DACH1: variants seen among roughly 807,000 people sequenced by gnomAD.
DACH1 encodes the protein dachshund family transcription factor 1, also known as dachshund homolog 1.
Under a neutral mutation model 54.2 loss-of-function variants are expected in DACH1, and 12 were observed. That is an observed-to-expected ratio of 0.22 (90% CI 0.14 to 0.36). DACH1 has a LOEUF of 0.36. DACH1 is among the 10% of genes least tolerant of loss of function. The probability of loss-of-function intolerance (pLI) is 1.00; values close to 1 mark genes in which losing one functional copy is unlikely to be tolerated. For missense variants in DACH1, 805 were observed against 929.8 expected (o/e 0.87, Z 1.75); for synonymous variants, 386 against 366.2 (o/e 1.05, Z -0.62).
At chr13:71,605,180 G>T (rs1312170444) in intron 3 of DACH1, among the ~76,000 whole-genome samples, 2 of 151,942 alleles carry the variant, frequency 1.3e-5, no homozygotes, top group African/African-American at 4.8e-5. Context: ...GACTATGCCT[G>T]TATACTAAAA....
chr13:71,450,646 G>A (rs146645421), intron 10 of DACH1, among the ~76,000 whole-genome samples: 38 of 152,174 alleles, frequency 2.5e-4, no homozygotes, highest in African/African-American at 8.9e-4. Context: ...GTCCTAGACA[G>A]AACAAAAGCT....
intron 10 of DACH1, among the ~76,000 whole-genome samples, chr13:71,448,830 T>TA (rs1285167839): frequency 2.0e-5 from 3 of 151,480 alleles, no homozygotes; most frequent in Non-Finnish European, 4.4e-5. Flanking sequence ...TGTGGTTTTT[T>TA]TTTTTTTTCA....
At chr13:71,779,802 C>T (rs754948830) in intron 1 of DACH1, among the ~76,000 whole-genome samples, 2 of 152,082 alleles carry the variant, frequency 1.3e-5, no homozygotes, top group African/African-American at 2.4e-5. Flanking sequence ...GCCACCTCTA[C>T]TCAACCGCAT....
chr13:71,815,912 C>T (rs1427391199), intron 1 of DACH1, among the ~76,000 whole-genome samples: 4 of 151,822 alleles, frequency 2.6e-5, no homozygotes, highest in East Asian at 1.9e-4. Flanking sequence ...GGTGAAACCC[C>T]GTCTCTACTA....
chr13:71,493,289 G>C (rs117280588), intron 6 of DACH1, among the ~76,000 whole-genome samples: 47 of 152,164 alleles, frequency 3.1e-4, no homozygotes, highest in Middle Eastern at 3.4e-3. Context: ...CTGTGGAGAC[G>C]TACATGCAAC....
At chr13:71,656,951 C>T (rs1256799061) in intron 2 of DACH1, among the ~76,000 whole-genome samples, 25 of 34,664 alleles carry the variant, frequency 7.2e-4, no homozygotes, top group South Asian at 4.7e-3. Context: ...TATATATATG[C>T]GCATATAAAT....
At position 71,747,139 on chromosome 13, in the gene DACH1, C is replaced by T. The variant is rs565609096; in HGVS notation, c.849-65229G>A. 1.8e-4 allele frequency among the ~76,000 whole-genome samples: 28 copies of T among 151,948 alleles called. 1 individual carries two copies. The highest frequency in any genetic ancestry group is 3.4e-3 in the Middle Eastern group (1 of 292). ...ATAATATCTATTTTCTGCAAAGGAA[C>T]GGTAATTTTTATAGGAAAAATTACC... On this transcript the variant is annotated intron_variant, in intron 1 of 10. Transcript: ENST00000613252.
intron 6 of DACH1, among the ~76,000 whole-genome samples, chr13:71,540,707 G>C (rs1004921692): frequency 8.6e-5 from 13 of 151,942 alleles, no homozygotes; most frequent in Non-Finnish European, 1.0e-4. Context: ...ATAGAGCTCT[G>C]AACATTACAG....
chr13:71,777,249 T>C (rs1334528855), intron 1 of DACH1, among the ~76,000 whole-genome samples: 3 of 149,716 alleles, frequency 2.0e-5, no homozygotes, highest in Non-Finnish European at 4.4e-5. Flanking sequence ...TTCTTGTCCG[T>C]ACGGTATAGC....
At chr13:71,861,796 T>C (rs1430191841) in intron 1 of DACH1, among the ~76,000 whole-genome samples, 1 of 150,802 alleles carries the variant, frequency 6.6e-6, no homozygotes, top group East Asian at 2.0e-4. Flanking sequence ...ATATTTATGT[T>C]AAACTTTCTA....
chr13:71,535,456 T>C (rs553447513), intron 6 of DACH1, among the ~76,000 whole-genome samples: 2 of 152,086 alleles, frequency 1.3e-5, no homozygotes, highest in South Asian at 4.1e-4. Context: ...TTATCACAAA[T>C]TTGGTCATGA....
At chr13:71,855,566 A>G (rs1451909301) in intron 1 of DACH1, among the ~76,000 whole-genome samples, 1 of 152,050 alleles carries the variant, frequency 6.6e-6, no homozygotes, top group Non-Finnish European at 1.5e-5. Context: ...TTTATTTGGA[A>G]CAAATTGTTA....
At position 71,650,982 on chromosome 13, in the gene DACH1, A is replaced by T. The variant is rs186774559; in HGVS notation, c.965-20265T>A. On this transcript the variant is annotated intron_variant, in intron 2 of 10. Transcript: ENST00000613252. Reference sequence around the variant, plus strand: ...AAAATTTGCCATCAAATACTTAAGCATCTTATTACTTTTTATTGTTAGTAA... The same window carrying T: ...AAAATTTGCCATCAAATACTTAAGCTTCTTATTACTTTTTATTGTTAGTAA... Among the ~76,000 whole-genome samples the T allele has an allele frequency of 4.0e-3, 611 of 152,306 alleles. 8 individuals carry two copies. Among genetic ancestry groups the T allele is most frequent in the Non-Finnish European group, 3.4e-3 (231 of 68,016 alleles).
intron 7 of DACH1, among the ~76,000 whole-genome samples, chr13:71,480,051 T>C (rs1336808001): frequency 6.6e-6 from 1 of 152,222 alleles, no homozygotes; most frequent in Non-Finnish European, 1.5e-5. Flanking sequence ...TTTACTGATT[T>C]ATGTTATGTC....
intron 2 of DACH1, among the ~76,000 whole-genome samples, chr13:71,637,546 T>C (rs1246846305): frequency 3.3e-5 from 5 of 152,284 alleles, no homozygotes; most frequent in African/African-American, 1.2e-4. Flanking sequence ...AATCACTAAA[T>C]CTTCACTCCA....
At chr13:71,552,821 AT>A (rs1883929094) in intron 6 of DACH1, among the ~76,000 whole-genome samples, 1 of 56,942 alleles carries the variant, frequency 1.8e-5, no homozygotes, top group Non-Finnish European at 3.3e-5. Context: ...ATATATATAT[AT>A]ATATATATAT....
chr13:71,686,112 T>C (rs369924236), intron 1 of DACH1, among the ~76,000 whole-genome samples: 3 of 152,326 alleles, frequency 2.0e-5, no homozygotes, highest in East Asian at 3.9e-4. Context: ...CTAGCTCTAA[T>C]CAAACGGAAG....
At chr13:71,726,978 T>A (rs1198825149) in intron 1 of DACH1, among the ~76,000 whole-genome samples, 1 of 152,046 alleles carries the variant, frequency 6.6e-6, no homozygotes, top group African/African-American at 2.4e-5. Flanking sequence ...ACCAATCAAT[T>A]GATCTGCTGT....
chr13:71,482,867 C>T (rs957201373), intron 7 of DACH1, among the ~76,000 whole-genome samples: 1 of 136,420 alleles, frequency 7.3e-6, no homozygotes, highest in African/African-American at 2.7e-5. Context: ...ATGGCGCGAT[C>T]TCGGCTCACT....
Sources: allele counts gnomAD v4.1 joint callset (sites outside exome capture counted in the v4.1 genomes callset), GRCh38; gene constraint gnomAD v4.1.1; transcripts MANE v1.5; gene names NCBI Gene and HGNC (gene_info 2026-07-23, HGNC 2026-07-21).